The following DOCK2 variants were observed in gnomAD, a reference collection of about 807,000 sequenced individuals.
DOCK2 encodes dedicator of cytokinesis protein 2.
In DOCK2, 87 loss-of-function variants were observed where a neutral mutation model predicts 248.9. The observed-to-expected ratio is 0.35, with a 90% CI of 0.29 to 0.42. DOCK2 has a LOEUF of 0.42. DOCK2 is among the 10% of genes least tolerant of loss of function. The pLI, the probability that DOCK2 is intolerant of heterozygous loss-of-function variation, is 1.00. For missense variants in DOCK2, 1,747 were observed against 2,300.2 expected, an observed-to-expected ratio of 0.76 and a Z score of 4.92; for synonymous variants, 805 against 821.6, an observed-to-expected ratio of 0.98 and a Z score of 0.35.
intron 6 of DOCK2, among the ~76,000 whole-genome samples, chr5:169,676,523 C>A (rs918378844): frequency 1.3e-5 from 2 of 152,114 alleles, no homozygotes; most frequent in African/African-American, 4.8e-5. Context: ...GCTCAGGGGC[C>A]CCCTTATTCA....
At chr5:169,954,093 A>AT (rs1776771133) in intron 27 of DOCK2, among the ~76,000 whole-genome samples, 1 of 152,192 alleles carries the variant, frequency 6.6e-6, no homozygotes, top group Admixed American at 6.5e-5. Flanking sequence ...TTCACCCCAC[A>AT]TTTTATCAAA....
chr5:169,868,004 A>G (rs1265829639), intron 27 of DOCK2, among the ~76,000 whole-genome samples: 1 of 152,222 alleles, frequency 6.6e-6, no homozygotes, highest in African/African-American at 2.4e-5. Context: ...AGCTCCTGAA[A>G]TAGCCCTGCC....
chr5:169,820,704 C>G (rs1291383622), intron 26 of DOCK2, among the ~76,000 whole-genome samples: 4 of 152,172 alleles, frequency 2.6e-5, no homozygotes, highest in African/African-American at 4.8e-5. Context: ...TTCTAAAAAT[C>G]AGAGCACCTC....
intron 5 of DOCK2, among the ~76,000 whole-genome samples, chr5:169,671,989 G>A (rs994453160): frequency 5.3e-5 from 8 of 151,964 alleles, no homozygotes; most frequent in African/African-American, 1.9e-4. Context: ...TCCACTATAC[G>A]CTGACCTTTT....
In DOCK2 at chr5:169,764,844, TTTGTTGTTGTTG is replaced by T. The variant is rs10636919; in HGVS notation, c.2554+3237_2554+3248del. ...GCTCTCCATTCTGACTTTGAACGTG[TTTGTTGTTGTTG>T]TTGTTGTTGTTGTTGTTTTCAATTT... On this transcript the variant is annotated intron_variant, in intron 25 of 51. Transcript: ENST00000520908. This position sits in a 1 kb window ranked among gnomAD's most constrained non-coding sequence, Gnocchi z 4.3. Among the ~76,000 whole-genome samples the T allele has an allele frequency of 1.3e-5, 2 of 150,950 alleles. No homozygotes were observed. Among genetic ancestry groups the T allele is most frequent in the African/African-American group, 4.9e-5 (2 of 40,828 alleles).
intron 8 of DOCK2, among the ~76,000 whole-genome samples, chr5:169,687,251 CTAGT>C (rs1760038124): frequency 6.6e-6 from 1 of 152,086 alleles, no homozygotes; most frequent in African/African-American, 2.4e-5. Flanking sequence ...TGGAGACTTC[CTAGT>C]TAGTTTACTG....
At chr5:170,060,421 C>T (rs933217959) in intron 44 of DOCK2, among the ~76,000 whole-genome samples, 2 of 152,176 alleles carry the variant, frequency 1.3e-5, no homozygotes, top group African/African-American at 4.8e-5. Context: ...TGGCAAAGTG[C>T]AGTAGCAACA....
intron 30 of DOCK2, among the ~76,000 whole-genome samples, chr5:169,999,038 G>A (rs534914767): frequency 2.0e-5 from 3 of 152,292 alleles, no homozygotes; most frequent in East Asian, 1.9e-4. Context: ...ATCTCTTTCC[G>A]TGGGTATCGG....
intron 23 of DOCK2, among the ~76,000 whole-genome samples, chr5:169,757,696 G>T (rs1310404425): frequency 6.6e-6 from 1 of 151,952 alleles, no homozygotes; most frequent in African/African-American, 2.4e-5. Context: ...CTGTAAAAGG[G>T]TTACTATTAA....
chr5:169,712,957 G>A (rs918146271), intron 17 of DOCK2, among the ~76,000 whole-genome samples: 4 of 152,234 alleles, frequency 2.6e-5, no homozygotes, highest in Admixed American at 2.0e-4. Context: ...GTGGAGCAAG[G>A]TTGAGTAGCC....
chr5:169,748,249 G>T (rs1431142770), intron 23 of DOCK2, among the ~76,000 whole-genome samples: 3 of 151,964 alleles, frequency 2.0e-5, no homozygotes, highest in African/African-American at 7.3e-5. Context: ...GCACTGGTTA[G>T]AATTAATGAC....
intron 41 of DOCK2, among the ~76,000 whole-genome samples, chr5:170,052,660 A>G (rs1318088425): frequency 6.6e-6 from 1 of 152,216 alleles, no homozygotes; most frequent in East Asian, 1.9e-4. Context: ...GAACCCCATG[A>G]TCTGTCTGTT....
At position 169,677,982 on chromosome 5, in the gene DOCK2, TG is replaced by T; in HGVS notation, c.470+3539del. Among the ~76,000 whole-genome samples, 5 of 152,332 alleles carry T rather than the reference TG, an allele frequency of 3.3e-5. No homozygotes were observed. In the South Asian group the frequency reaches 1.0e-3, roughly 32 times the overall value. On this transcript the variant is annotated intron_variant, in intron 6 of 51. Coordinates refer to ENST00000520908, the MANE Select transcript of DOCK2 (RefSeq NM_004946.3). ...GTTATGGTCCACCTGGAGCACAGACTGGTGCCATCTTGACAGTGGCCAGGCT... is the reference window on the plus strand; with the variant it reads ...GTTATGGTCCACCTGGAGCACAGACTGTGCCATCTTGACAGTGGCCAGGCT...
intron 27 of DOCK2, among the ~76,000 whole-genome samples, chr5:169,976,544 C>T (rs888274645): frequency 1.2e-4 from 19 of 152,138 alleles, no homozygotes; most frequent in Admixed American, 9.8e-4. Context: ...TGTGATTAAA[C>T]ATCTCATCAT....
intron 27 of DOCK2, among the ~76,000 whole-genome samples, chr5:169,888,666 A>G (rs1701263421): frequency 6.6e-6 from 1 of 152,204 alleles, no homozygotes; most frequent in Non-Finnish European, 1.5e-5. Flanking sequence ...ATCTACGTAG[A>G]TGAGACTCTT....
intron 22 of DOCK2, among the ~76,000 whole-genome samples, chr5:169,744,344 G>T (rs1055476561): frequency 6.6e-6 from 1 of 152,172 alleles, no homozygotes; most frequent in African/African-American, 2.4e-5. Flanking sequence ...TTCCAGTTCA[G>T]TCACATAATA....
intron 27 of DOCK2, among the ~76,000 whole-genome samples, chr5:169,966,054 C>T (rs935993122): frequency 5.9e-5 from 9 of 152,198 alleles, no homozygotes; most frequent in Admixed American, 3.9e-4. Flanking sequence ...AGGAAGTTTT[C>T]CTTTGCAATA....
At chr5:169,669,202 TTAAAA>T in intron 2 of DOCK2, 81 bp from the exon 3 acceptor site, 1 of 1,081,732 alleles carries the variant, frequency 9.2e-7, no homozygotes, top group South Asian at 1.5e-5. Context: ...TTTTACTAGT[TTAAAA>T]CAAAACAAAA....
At chr5:170,058,419 G>A (rs1757212336) in intron 44 of DOCK2, among the ~76,000 whole-genome samples, 1 of 152,184 alleles carries the variant, frequency 6.6e-6, no homozygotes, top group Admixed American at 6.5e-5. Flanking sequence ...ATATATGACA[G>A]GTGATAACTG....
Sources: gnomAD v4.1 joint callset for allele counts (sites outside exome capture counted in the v4.1 genomes callset) on GRCh38, gnomAD v4.1.1 for gene constraint, Gnocchi (gnomAD v3.1) non-coding constraint, MANE v1.5 for transcripts, NCBI Gene and HGNC (gene_info 2026-07-23, HGNC 2026-07-21) for gene names.